Variants in ELMOD1 observed in about 807,000 individuals in gnomAD.
The protein encoded by ELMOD1 is ELMO domain-containing protein 1.
Under a neutral mutation model 46.7 loss-of-function variants are expected in ELMOD1, and 21 were observed. The ratio of observed to expected loss-of-function variants is 0.45; its 90% confidence interval spans 0.32 to 0.65. The LOEUF (loss-of-function observed/expected upper bound fraction) is 0.65. ELMOD1 is among the 30% of genes least tolerant of loss of function. ELMOD1 has a pLI of 0.04. For missense variants in ELMOD1, 348 were observed against 407.8 expected, an observed-to-expected ratio of 0.85 and a Z score of 1.26; for synonymous variants, 122 against 138.2, an observed-to-expected ratio of 0.88 and a Z score of 0.82.
rs1865384393 is a variant in ELMOD1, at chr11:107,591,310, C to G, written c.-185C>G. 1 of 152,234 alleles carries G rather than the reference C, an allele frequency of 6.6e-6. No individual in the cohort carries two copies. Among genetic ancestry groups the G allele is most frequent in the Admixed American group, 6.5e-5 (1 of 15,280 alleles). The allele number at this position is 152,234 out of a possible 1,614,324, so 9.4% of individuals were successfully genotyped here. ...CGCCCGGGACCGAGCGCGTCGCTCGCCGCCGCGGAGCGCGTAGCCGGAGCG... is the reference window on the plus strand; with the variant it reads ...CGCCCGGGACCGAGCGCGTCGCTCGGCGCCGCGGAGCGCGTAGCCGGAGCG... On this transcript the variant is annotated 5_prime_UTR_variant, in exon 1 of 12. Coordinates refer to ENST00000265840, the MANE Select transcript of ELMOD1 (RefSeq NM_018712.4).
At chr11:107,595,506 G>C (rs1459814863) in intron 1 of ELMOD1, among the ~76,000 whole-genome samples, 1 of 152,176 alleles carries the variant, frequency 6.6e-6, no homozygotes, top group Admixed American at 6.5e-5. Flanking sequence ...TTTTCAGCAA[G>C]GCTTCGCATG....
intron 1 of ELMOD1, among the ~76,000 whole-genome samples, chr11:107,596,933 C>T (rs1865501131): frequency 6.6e-6 from 1 of 152,098 alleles, no homozygotes; most frequent in Admixed American, 6.6e-5. Context: ...TATACACAAT[C>T]CCTCTAGCAC....
chr11:107,591,738 G>T (rs1164058793), intron 1 of ELMOD1: 1 of 397,396 alleles, frequency 2.5e-6, no homozygotes, highest in East Asian at 7.6e-5. Context: ...CTCGGGGAAG[G>T]GATCCCAGAC....
intron 1 of ELMOD1, among the ~76,000 whole-genome samples, chr11:107,616,537 C>T (rs1000868305): frequency 6.6e-6 from 1 of 152,040 alleles, no homozygotes; most frequent in African/African-American, 2.4e-5. Flanking sequence ...CACTACCACA[C>T]CCAGCCAATT....
intron 6 of ELMOD1, chr11:107,643,459 C>T (rs370294155): frequency 6.8e-6 from 2 of 296,190 alleles, no homozygotes. Context: ...TTTATACTAA[C>T]CCTGCTGGGG....
intron 9 of ELMOD1, chr11:107,653,933 T>A: frequency 4.0e-6 from 2 of 496,188 alleles, no homozygotes; most frequent in Non-Finnish European, 7.2e-6. Context: ...AGCTTAATGT[T>A]TGGCCTTTAG....
intron 2 of ELMOD1, among the ~76,000 whole-genome samples, chr11:107,622,604 C>T (rs1342697487): frequency 6.6e-6 from 1 of 152,198 alleles, no homozygotes; most frequent in African/African-American, 2.4e-5. Flanking sequence ...TCACATAGTT[C>T]ATTGAGGCAA....
chr11:107,608,740 G>A (rs1865728862), intron 1 of ELMOD1, among the ~76,000 whole-genome samples: 1 of 152,148 alleles, frequency 6.6e-6, no homozygotes, highest in Non-Finnish European at 1.5e-5. Context: ...TTTGCTTCAG[G>A]AAAGGAGAGA....
At chr11:107,611,704 C>CA (rs71470853) in intron 1 of ELMOD1, among the ~76,000 whole-genome samples, 1,796 of 54,972 alleles carry the variant, frequency 0.033, 51 homozygotes, top group African/African-American at 0.058. Flanking sequence ...GACTCCATCT[C>CA]AAAAAAAAAA....
chr11:107,665,416 A>G lies in ELMOD1; in HGVS notation c.*219A>G, dbSNP rs1049370638. On this transcript the variant is annotated 3_prime_UTR_variant, in exon 12 of 12. Coordinates refer to ENST00000265840, the MANE Select transcript of ELMOD1 (RefSeq NM_018712.4). ...GACTGCTCATATTGTGGCATTATGC[A>G]GTGTTACATCTTGCCTTGATACCCA... 3 of 501,034 alleles carry G rather than the reference A, an allele frequency of 6.0e-6. No homozygotes were observed. Among genetic ancestry groups the G allele is most frequent in the African/African-American group, 1.9e-5 (1 of 51,924 alleles). 31.0% of individuals were successfully genotyped at this position (501,034 alleles called of 1,614,324 possible).
At chr11:107,646,769 CTTT>C (rs532834204) in intron 6 of ELMOD1, among the ~76,000 whole-genome samples, 1 of 140,096 alleles carries the variant, frequency 7.1e-6, no homozygotes, top group Non-Finnish European at 1.6e-5. Context: ...TGTCAGTTCA[CTTT>C]TTTTTTTTTT....
At chr11:107,650,471 T>C in intron 8 of ELMOD1, 68 bp downstream of exon 8, 1 of 1,091,970 alleles carries the variant, frequency 9.2e-7, no homozygotes, top group Non-Finnish European at 1.4e-6. Flanking sequence ...ATCTCCTACA[T>C]GTATCTGTTG....
intron 1 of ELMOD1, among the ~76,000 whole-genome samples, chr11:107,601,565 G>T (rs1418663917): frequency 6.6e-6 from 1 of 151,388 alleles, no homozygotes; most frequent in Non-Finnish European, 1.5e-5. Context: ...ACAGGCACGT[G>T]CCACCATGCC....
intron 11 of ELMOD1, among the ~76,000 whole-genome samples, chr11:107,662,744 G>A (rs1440432330): frequency 2.6e-5 from 4 of 151,924 alleles, no homozygotes; most frequent in African/African-American, 2.4e-5. Context: ...GGCCAACATG[G>A]TGAAACCCCA....
chr11:107,618,144 A>G lies in ELMOD1; in HGVS notation c.-46A>G. The G allele has an allele frequency of 1.9e-6, 3 of 1,557,420 alleles. No individual in the cohort carries two copies. The highest frequency in any genetic ancestry group is 2.6e-6 in the Non-Finnish European group (3 of 1,149,270). ...GACAAAGGCAAATTTGGAAGCAATT[A>G]CTTGAGGACAGTTCATATAGCATCT... On this transcript the variant is annotated 5_prime_UTR_variant, in exon 2 of 12. Coordinates refer to ENST00000265840, the MANE Select transcript of ELMOD1 (RefSeq NM_018712.4).
chr11:107,641,784 T>C (rs1866327716), intron 6 of ELMOD1, among the ~76,000 whole-genome samples: 1 of 152,188 alleles, frequency 6.6e-6, no homozygotes, highest in African/African-American at 2.4e-5. Context: ...TACATAATCC[T>C]ATATGCATAT....
chr11:107,648,810 G>T (rs1866477341), intron 7 of ELMOD1, among the ~76,000 whole-genome samples: 1 of 150,024 alleles, frequency 6.7e-6, no homozygotes, highest in African/African-American at 2.5e-5. Context: ...GTTAACTCCT[G>T]TGTTTTTATA....
At chr11:107,631,411 C>T (rs1459912899) in intron 4 of ELMOD1, among the ~76,000 whole-genome samples, 169 bp from the exon 5 acceptor site, 4 of 127,450 alleles carry the variant, frequency 3.1e-5, no homozygotes, top group Non-Finnish European at 4.9e-5. Flanking sequence ...CCCCCCCCAT[C>T]GTGAAAATGT....
At chr11:107,634,490 G>A (rs1866194285) in intron 5 of ELMOD1, among the ~76,000 whole-genome samples, 1 of 152,122 alleles carries the variant, frequency 6.6e-6, no homozygotes, top group South Asian at 2.1e-4. Context: ...TGTAATCCCA[G>A]CACTTTGGGA....
Sources: allele counts gnomAD v4.1 joint callset (sites outside exome capture counted in the v4.1 genomes callset), GRCh38; gene constraint gnomAD v4.1.1; transcripts MANE v1.5; gene names NCBI Gene and HGNC (gene_info 2026-07-23, HGNC 2026-07-21).